Variants in A4GALT observed in about 807,000 individuals in gnomAD.
The protein encoded by A4GALT is alpha 1,4-galactosyltransferase (P1PK blood group).
For synonymous variants in A4GALT, 257 were observed against 220.7 expected (o/e 1.16, Z -1.46); for missense variants, 512 against 486.0 (o/e 1.05, Z -0.50).
rs1279378344 is a variant in A4GALT at position 42,693,909 on chromosome 22, C to A, written c.43G>T (p.Ala15Ser). The A allele has an allele frequency of 7.5e-6, 12 of 1,606,174 alleles. No individual in the cohort carries two copies. Among genetic ancestry groups the A allele is most frequent in the Non-Finnish European group, 1.0e-5 (12 of 1,177,124 alleles). Reference protein sequence around the residue: ...PDLLLRLLRGAPRQRVCTLFI... With the variant: ...PDLLLRLLRGSPRQRVCTLFI... ...AGGGTGCAGACCCGCTGCCTTGGGG[C>A]GCCCCGGAGCAGCCGCAGCAGGAGG... Residue 15 changes from alanine to serine, a missense_variant, in exon 3 of 3, where the codon GCC becomes TCC. Transcript: ENST00000642412.
At chr22:42,714,858 A>C (rs889313395) in intron 1 of A4GALT, among the ~76,000 whole-genome samples, 1 of 152,148 alleles carries the variant, frequency 6.6e-6, no homozygotes, top group Non-Finnish European at 1.5e-5. Flanking sequence ...GGCAGGGGCT[A>C]CTACATACAG....
chr22:42,692,368 A>C lies in A4GALT; in HGVS notation c.*522T>G. ...GCACTTCTGGGCCTCTGCCCCACTCAGTCCCTGTTGACCTCCCCCACCCCC... is the reference window on the plus strand; with the variant it reads ...GCACTTCTGGGCCTCTGCCCCACTCCGTCCCTGTTGACCTCCCCCACCCCC... On this transcript the variant is annotated 3_prime_UTR_variant, in exon 3 of 3. Transcript: ENST00000642412. The surrounding 1 kb of genome is among the most constrained non-coding windows in gnomAD (Gnocchi z 4.6). 7.4e-5 allele frequency: 21 copies of C among 284,588 alleles called. No individual in the cohort carries two copies. Among genetic ancestry groups the C allele is most frequent in the South Asian group, 2.9e-4 (9 of 30,562 alleles). The allele number at this position is 284,588 out of a possible 1,614,324, so 17.6% of individuals were successfully genotyped here. A position where few individuals can be genotyped will look rare whatever the true frequency, so the allele number is the denominator to read the frequency against.
rs1216923637 is a variant in A4GALT at position 42,692,187 on chromosome 22, G to T, written c.*703C>A. ...TTTATAATGCGGGCGGCAGGGTGGGGGTTTCTTTAAAATGCTTCTCCTGAG... is the reference window on the plus strand; with the variant it reads ...TTTATAATGCGGGCGGCAGGGTGGGTGTTTCTTTAAAATGCTTCTCCTGAG... On this transcript the variant is annotated 3_prime_UTR_variant, in exon 3 of 3. Coordinates refer to ENST00000642412, the MANE Select transcript of A4GALT (RefSeq NM_017436.7). This position sits in a 1 kb window ranked among gnomAD's most constrained non-coding sequence, Gnocchi z 4.6. 1 of 177,012 alleles carries T rather than the reference G, an allele frequency of 5.6e-6. No homozygotes were observed. Among genetic ancestry groups the T allele is most frequent in the East Asian group, 1.4e-4 (1 of 7,014 alleles). 11.0% of individuals were successfully genotyped at this position (177,012 alleles called of 1,614,324 possible).
intron 1 of A4GALT, among the ~76,000 whole-genome samples, chr22:42,713,811 A>C (rs1476162055): frequency 2.2e-5 from 1 of 44,908 alleles, no homozygotes; most frequent in Non-Finnish European, 3.6e-5. Context: ...AAACTCTGTC[A>C]AAAAAAAAAA....
intron 2 of A4GALT, chr22:42,694,896 T>C (rs1220863196): frequency 6.6e-6 from 1 of 152,168 alleles, no homozygotes; most frequent in Non-Finnish European, 1.5e-5. Context: ...ATCTCACACA[T>C]AGGAACATGT....
rs112907562 is a variant in A4GALT at position 42,704,696 on chromosome 22, A to T, written c.-187-9065T>A. ...CAGAAAACTCAGGGAGGTGGACTTC[A>T]TTCCAGGAGGAATAAGGCAGCAGCT... On this transcript the variant is annotated intron_variant, in intron 1 of 2. Coordinates refer to ENST00000642412, the MANE Select transcript of A4GALT (RefSeq NM_017436.7). Among the ~76,000 whole-genome samples, 1,109 of 152,196 alleles carry T rather than the reference A, an allele frequency of 7.3e-3. 18 individuals carry two copies. The highest frequency in any genetic ancestry group is 0.025 in the African/African-American group (1,021 of 41,516).
At chr22:42,695,986 G>A (rs373437361) in intron 1 of A4GALT, among the ~76,000 whole-genome samples, 43 of 152,162 alleles carry the variant, frequency 2.8e-4, no homozygotes, top group Non-Finnish European at 5.4e-4. Context: ...AGCCAGGCGC[G>A]GTGGTGTGCG....
chr22:42,698,431 A>G (rs2146971263), intron 1 of A4GALT, among the ~76,000 whole-genome samples: 1 of 152,272 alleles, frequency 6.6e-6, no homozygotes, highest in Non-Finnish European at 1.5e-5. Flanking sequence ...TCATCCCTAC[A>G]CAAATTGCAC....
At chr22:42,707,703 T>C (rs147935113) in intron 1 of A4GALT, among the ~76,000 whole-genome samples, 24 of 152,132 alleles carry the variant, frequency 1.6e-4, no homozygotes, top group Non-Finnish European at 2.6e-4. Flanking sequence ...ACACCAAGTA[T>C]CCATATCTAC....
At chr22:42,700,838 T>C (rs1931252252) in intron 1 of A4GALT, among the ~76,000 whole-genome samples, 1 of 152,216 alleles carries the variant, frequency 6.6e-6, no homozygotes, top group Non-Finnish European at 1.5e-5. Flanking sequence ...ATTATAGGCC[T>C]TTCCTCCGGC....
chr22:42,714,496 G>A (rs903660440), intron 1 of A4GALT, among the ~76,000 whole-genome samples: 12 of 151,582 alleles, frequency 7.9e-5, no homozygotes, highest in African/African-American at 1.5e-4. Context: ...GATGGTTTGC[G>A]CCCAGAAGAC....
At chr22:42,698,716 C>G in intron 1 of A4GALT, among the ~76,000 whole-genome samples, 1 of 152,222 alleles carries the variant, frequency 6.6e-6, no homozygotes, top group East Asian at 1.9e-4. Context: ...TAAAATGAGG[C>G]TGACACCTAC....
Position 42,693,749 on chromosome 22 carries a change from G to GT in A4GALT, c.202dup (p.Thr68AsnfsTer215). On this transcript the variant is annotated frameshift_variant, in exon 3 of 3. Transcript: ENST00000642412. LOFTEE classifies it low-confidence loss of function (END_TRUNC). Reference sequence around the variant, plus strand: ...TGGAGTGGGGCCGTGGGAGGGTGGGGTGGGGGGTGTCAAGGTGGGGCAGGG... The same window carrying GT: ...TGGAGTGGGGCCGTGGGAGGGTGGGGTTGGGGGGTGTCAAGGTGGGGCAGGG... 1.2e-6 allele frequency: 2 copies of GT among 1,607,206 alleles called. No individual in the cohort carries two copies. The highest frequency in any genetic ancestry group is 8.5e-7 in the Non-Finnish European group (1 of 1,177,074).
Position 42,693,589 on chromosome 22 carries a change from G to C in A4GALT, c.363C>G (p.Asn121Lys), listed in dbSNP as rs1034139444. 7 of 1,613,570 alleles carry C rather than the reference G, an allele frequency of 4.3e-6. No individual in the cohort carries two copies. The African/African-American group carries it at 5.3e-5, about 12-fold the overall frequency. Residue 121 changes from asparagine (N) to lysine (K), a missense_variant, in exon 3 of 3, where the codon AAC becomes AAG. Asn to Lys is a moderately conservative substitution (Grantham distance 94). Transcript: ENST00000642412. ...TGCCCAGGTGCCGGGGCAGAGAGGC[G>C]TTGCCACCCGGAAGCCCTTTCATCA... ...LVLMKGLPGG[N>K]ASLPRHLGIS...
chr22:42,701,063 C>T lies in A4GALT; in HGVS notation c.-187-5432G>A, dbSNP rs145785009. On this transcript the variant is annotated intron_variant, in intron 1 of 2. Coordinates refer to ENST00000642412, the MANE Select transcript of A4GALT (RefSeq NM_017436.7). ...ATACTTGCCTCTAGTGGAGCCAAAT[C>T]GGGTCCCCTCCCCACCCACCTCCAC... Among the ~76,000 whole-genome samples the T allele has an allele frequency of 7.2e-4, 110 of 152,302 alleles. 1 individual carries two copies. Among genetic ancestry groups the T allele is most frequent in the Admixed American group, 5.4e-3 (83 of 15,302 alleles).
At chr22:42,709,728 T>C (rs528617638) in intron 1 of A4GALT, among the ~76,000 whole-genome samples, 27 of 152,162 alleles carry the variant, frequency 1.8e-4, no homozygotes, top group Admixed American at 1.3e-3. Context: ...AGGGACAGGT[T>C]GCAGTGAGCC....
At chr22:42,703,253 G>GT (rs1224692766) in intron 1 of A4GALT, among the ~76,000 whole-genome samples, 12 of 110,282 alleles carry the variant, frequency 1.1e-4, no homozygotes, top group African/African-American at 2.4e-4. Context: ...TTGTTTGTTT[G>GT]TTTTTGTTTT....
Position 42,692,780 on chromosome 22 carries a change from C to T in A4GALT, c.*110G>A. ...ACAGCTCCTCAACAGCCTGCCTAAG[C>T]CCGGTGGCAGCTCGGGCCTCCCTCT... On this transcript the variant is annotated 3_prime_UTR_variant, in exon 3 of 3. Transcript: ENST00000642412. This position sits in a 1 kb window ranked among gnomAD's most constrained non-coding sequence, Gnocchi z 4.6. 1 of 1,324,624 alleles carries T rather than the reference C, an allele frequency of 7.5e-7. No individual in the cohort carries two copies. The highest frequency in any genetic ancestry group is 1.1e-6 in the Non-Finnish European group (1 of 946,920). The allele number at this position is 1,324,624 out of a possible 1,614,324, so 82.1% of individuals were successfully genotyped here.
At chr22:42,710,966 A>G (rs1921637372) in intron 1 of A4GALT, among the ~76,000 whole-genome samples, 1 of 151,994 alleles carries the variant, frequency 6.6e-6, no homozygotes, top group African/African-American at 2.4e-5. Flanking sequence ...TGGAGGTTGC[A>G]GTGAGCCAAG....
Sources: allele counts gnomAD v4.1 joint callset (sites outside exome capture counted in the v4.1 genomes callset), GRCh38; gene constraint gnomAD v4.1.1; non-coding constraint Gnocchi (gnomAD v3.1); transcripts MANE v1.5; gene names NCBI Gene and HGNC (gene_info 2026-07-23, HGNC 2026-07-21).